Variants in NFYB observed in about 807,000 individuals in gnomAD.
NFYB encodes the protein nuclear transcription factor Y subunit beta.
Under a neutral mutation model 28.0 loss-of-function variants are expected in NFYB, and 13 were observed. That is an observed-to-expected ratio of 0.46 (90% CI 0.30 to 0.74). The LOEUF is 0.74. NFYB is among the 30% of genes least tolerant of loss of function. NFYB has a pLI of 0.07. For synonymous variants in NFYB, 74 were observed against 75.0 expected (o/e 0.99, Z 0.07); for missense variants, 142 against 247.6 (o/e 0.57, Z 2.86).
chr12:104,137,541 G>A (rs1374483129), intron 1 of NFYB: 1 of 152,184 alleles, frequency 6.6e-6, no homozygotes, highest in Non-Finnish European at 1.5e-5. Flanking sequence ...CGAGTGCCAG[G>A]AGGCCGCCCC....
chr12:104,126,241 G>A lies in NFYB; in HGVS notation c.104C>T (p.Thr35Ile). ...SHYVIQPHDDTEDSMNDHEDT... is the reference protein window; with the variant it reads ...SHYVIQPHDDIEDSMNDHEDT... ...TTCATGATCATTCATGCTGTCCTCAGTATCTAAAGAAATAAAAATATTTAG... is the reference window on the plus strand; with the variant it reads ...TTCATGATCATTCATGCTGTCCTCAATATCTAAAGAAATAAAAATATTTAG... Residue 35 changes from threonine to isoleucine, a missense_variant, in exon 4 of 8, where the codon ACT becomes ATT. Transcript: ENST00000240055. 2 of 1,556,988 alleles carry A rather than the reference G, an allele frequency of 1.3e-6. No individual in the cohort carries two copies. The highest frequency in any genetic ancestry group is 1.7e-6 in the Non-Finnish European group (2 of 1,158,994).
chr12:104,129,481 T>C (rs545099276), intron 2 of NFYB, among the ~76,000 whole-genome samples: 3 of 152,282 alleles, frequency 2.0e-5, no homozygotes, highest in Non-Finnish European at 4.4e-5. Context: ...ATAAGAAGCA[T>C]GCGGATTCTC....
rs999191189 is a variant in NFYB, at chr12:104,118,125, GAAAAA to G, written c.*1607_*1611del. 6.6e-6 allele frequency: 1 copy of G among 152,092 alleles called. No homozygotes were observed. The highest frequency in any genetic ancestry group is 2.4e-5 in the African/African-American group (1 of 41,410). 9.4% of individuals were successfully genotyped at this position (152,092 alleles called of 1,614,324 possible). ...AGATGTTCCCAATATATTGTTAAGT[GAAAAA>G]AGCAGGTTACAAAATGGTATGCACA... On this transcript the variant is annotated 3_prime_UTR_variant, in exon 8 of 8. Coordinates refer to ENST00000240055, the MANE Select transcript of NFYB (RefSeq NM_006166.4).
chr12:104,132,232 A>G (rs1407092433), intron 2 of NFYB, among the ~76,000 whole-genome samples: 1 of 152,212 alleles, frequency 6.6e-6, no homozygotes, highest in East Asian at 1.9e-4. Context: ...ACTGACAGAT[A>G]AACAGAAATC....
chr12:104,130,256 T>A (rs2030874628), intron 2 of NFYB, among the ~76,000 whole-genome samples: 1 of 152,244 alleles, frequency 6.6e-6, no homozygotes, highest in Non-Finnish European at 1.5e-5. Flanking sequence ...GGACCCAGTA[T>A]AAACTTAATG....
At chr12:104,131,294 T>G in intron 2 of NFYB, 1 of 156,610 alleles carries the variant, frequency 6.4e-6, no homozygotes, top group Non-Finnish European at 1.4e-5. Flanking sequence ...CCACAGACAT[T>G]CGATCTCATC....
chr12:104,123,546 A>G, intron 4 of NFYB, 123 bp from the exon 5 acceptor site: 1 of 712,192 alleles, frequency 1.4e-6, no homozygotes, highest in Non-Finnish European at 2.3e-6. Flanking sequence ...TCTCTTAAAT[A>G]TATGTTATAA....
At chr12:104,119,795 C>T in intron 7 of NFYB, 26 bp from the exon 8 acceptor site, 1 of 1,527,888 alleles carries the variant, frequency 6.5e-7, no homozygotes, top group South Asian at 1.1e-5. Context: ...TTAAATTGAG[C>T]AGAATTAAAG....
At chr12:104,127,582 A>AT (rs1363279063) in intron 3 of NFYB, among the ~76,000 whole-genome samples, 1 of 141,222 alleles carries the variant, frequency 7.1e-6, no homozygotes, top group Middle Eastern at 3.4e-3. Flanking sequence ...AAAATAAAAA[A>AT]TAAAAAAAAA....
At chr12:104,122,200 C>G (rs1475969965) in intron 5 of NFYB, among the ~76,000 whole-genome samples, 1 of 152,056 alleles carries the variant, frequency 6.6e-6, no homozygotes, top group Non-Finnish European at 1.5e-5. Flanking sequence ...TACTATTAGC[C>G]TCATTTTACA....
chr12:104,120,339 G>A, intron 7 of NFYB, 61 bp downstream of exon 7: 2 of 1,401,874 alleles, frequency 1.4e-6, no homozygotes, highest in Non-Finnish European at 2.0e-6. Flanking sequence ...ACAGGCATGA[G>A]CCATGGGGCC....
At chr12:104,122,978 C>A (rs1277295222) in intron 5 of NFYB, among the ~76,000 whole-genome samples, 7 of 151,876 alleles carry the variant, frequency 4.6e-5, no homozygotes, top group African/African-American at 9.7e-5. Context: ...AGTTTGAGAC[C>A]AGCCTGGCCA....
At chr12:104,130,172 T>C (rs2030871425) in intron 2 of NFYB, among the ~76,000 whole-genome samples, 1 of 152,172 alleles carries the variant, frequency 6.6e-6, no homozygotes, top group Non-Finnish European at 1.5e-5. Flanking sequence ...GAATAAAAAG[T>C]ATAGCAAAAA....
At chr12:104,127,652 C>A (rs2030769349) in intron 3 of NFYB, among the ~76,000 whole-genome samples, 3 of 139,478 alleles carry the variant, frequency 2.2e-5, no homozygotes, top group South Asian at 4.7e-4. Flanking sequence ...GATAGGCCAA[C>A]ATAACACTGC....
At position 104,136,360 on chromosome 12, in the gene NFYB, C is replaced by T. The variant is rs144727407; in HGVS notation, c.-79-828G>A. ...TTTAAAGGGAGAAGATATACTGATA[C>T]GCATCCAAGCATGAAATCTAGCAAA... On this transcript the variant is annotated intron_variant, in intron 1 of 7. Coordinates refer to ENST00000240055, the MANE Select transcript of NFYB (RefSeq NM_006166.4). 2.5e-3 allele frequency among the ~76,000 whole-genome samples: 386 copies of T among 152,166 alleles called. 3 individuals carry two copies. The highest frequency in any genetic ancestry group is 8.8e-3 in the African/African-American group (365 of 41,502).
In NFYB at chr12:104,130,769, G is replaced by C. The variant is rs563930488; in HGVS notation, c.7-2252C>G. The stretch of plus-strand genomic sequence containing the variant: ...AGAGTATCCTTTAATAGACATGATG[G>C]ATTTTTTTTTACAGCCATAAAAGAA... On this transcript the variant is annotated intron_variant, in intron 2 of 7. Coordinates refer to ENST00000240055, the MANE Select transcript of NFYB (RefSeq NM_006166.4). Among the ~76,000 whole-genome samples, 34 of 152,148 alleles carry C rather than the reference G, an allele frequency of 2.2e-4. No homozygotes were observed. In the South Asian group the frequency reaches 6.9e-3, roughly 31 times the overall value.
Position 104,126,183 on chromosome 12 carries a change from T to C in NFYB, c.162A>G (p.Glu54=), listed in dbSNP as rs2030707793. 1 of 1,606,312 alleles carries C rather than the reference T, an allele frequency of 6.2e-7. No homozygotes were observed. The highest frequency in any genetic ancestry group is 1.7e-5 in the Admixed American group (1 of 58,872). ...DTNGSKESFR[E]QDIYLPIANV... is the part of the protein sequence containing the mutation. ...TTGCTATTGGAAGATATATATCTTG[T>C]TCTCTGAAACTTTCTTTTGAACCAT... Residue 54 remains glutamate (E), a synonymous_variant, in exon 4 of 8, where the codon GAA becomes GAG. Coordinates refer to ENST00000240055, the MANE Select transcript of NFYB (RefSeq NM_006166.4).
intron 2 of NFYB, among the ~76,000 whole-genome samples, chr12:104,132,282 C>A (rs1321610918): frequency 6.6e-6 from 1 of 151,892 alleles, no homozygotes; most frequent in African/African-American, 2.4e-5. Context: ...ATGTTCTAGG[C>A]AGAGAAAACC....
chr12:104,136,565 A>G (rs1353001507), intron 1 of NFYB, among the ~76,000 whole-genome samples: 1 of 152,200 alleles, frequency 6.6e-6, no homozygotes, highest in Non-Finnish European at 1.5e-5. Flanking sequence ...GTAACGAGAA[A>G]TGTTATTTTT....
Sources: allele counts gnomAD v4.1 joint callset (sites outside exome capture counted in the v4.1 genomes callset), GRCh38; gene constraint gnomAD v4.1.1; transcripts MANE v1.5; gene names NCBI Gene and HGNC (gene_info 2026-07-23, HGNC 2026-07-21).